The following B3GAT2 variants were observed in gnomAD, a reference collection of about 807,000 sequenced individuals.
The protein encoded by B3GAT2 is beta-1,3-glucuronyltransferase 2.
In B3GAT2, 26 loss-of-function variants were observed where a neutral mutation model predicts 27.8. That is an observed-to-expected ratio of 0.93 (90% CI 0.68 to 1.30). The LOEUF is 1.30. Ranked by LOEUF, B3GAT2 falls within the 50% of genes most tolerant of loss-of-function variation. B3GAT2 has a pLI of 0.00. For synonymous variants in B3GAT2, 218 were observed against 195.1 expected (o/e 1.12, Z -0.98); for missense variants, 458 against 459.0 (o/e 1.00, Z 0.02).
At chr6:70,880,573 G>C (rs539809202) in intron 2 of B3GAT2, among the ~76,000 whole-genome samples, 1 of 150,070 alleles carries the variant, frequency 6.7e-6, no homozygotes. Flanking sequence ...CTATAGCCTC[G>C]AATCCCCTGG....
chr6:70,860,378 C>A lies in B3GAT2; in HGVS notation c.*1285G>T. On this transcript the variant is annotated 3_prime_UTR_variant, in exon 4 of 4. Transcript: ENST00000230053. ...CATCCAGAACTACCACCTGACATTC[C>A]TTGCTGAAACGCATCTAGTTCCCCT... 1 of 1,569,526 alleles carries A rather than the reference C, an allele frequency of 6.4e-7. No individual in the cohort carries two copies. The highest frequency in any genetic ancestry group is 1.2e-5 in the South Asian group (1 of 83,804).
At chr6:70,894,870 G>A (rs1169711893) in intron 1 of B3GAT2, among the ~76,000 whole-genome samples, 1 of 152,154 alleles carries the variant, frequency 6.6e-6, no homozygotes, top group Non-Finnish European at 1.5e-5. Context: ...AGAGACCGTT[G>A]GAATCGCTTG....
chr6:70,868,725 C>A (rs1326789291), intron 2 of B3GAT2, among the ~76,000 whole-genome samples: 1 of 152,138 alleles, frequency 6.6e-6, no homozygotes, highest in Admixed American at 6.5e-5. Context: ...TCTTTCCCCC[C>A]CCACGTTAAA....
At chr6:70,894,314 A>G (rs2150031666) in intron 1 of B3GAT2, 42 bp from the exon 2 acceptor site, 1 of 1,520,170 alleles carries the variant, frequency 6.6e-7, no homozygotes, top group East Asian at 2.3e-5. Context: ...TTTCCTTAGG[A>G]AAAAGAGGGA....
At position 70,860,099 on chromosome 6, in the gene B3GAT2, A is replaced by G. The variant is rs1025249728; in HGVS notation, c.*1564T>C. The G allele has an allele frequency of 3.8e-6, 5 of 1,322,286 alleles. No individual in the cohort carries two copies. The highest frequency in any genetic ancestry group is 5.1e-6 in the Non-Finnish European group (5 of 975,086). The allele number at this position is 1,322,286 out of a possible 1,614,324, so 81.9% of individuals were successfully genotyped here. On this transcript the variant is annotated 3_prime_UTR_variant, in exon 4 of 4. Coordinates refer to ENST00000230053, the MANE Select transcript of B3GAT2 (RefSeq NM_080742.3). ...CTGTTTTTATTCCAGTGCTTGGACTAGTTGTCACATTAATGAAAAAATGAC... is the reference window on the plus strand; with the variant it reads ...CTGTTTTTATTCCAGTGCTTGGACTGGTTGTCACATTAATGAAAAAATGAC...
chr6:70,906,979 A>C (rs1410631737), intron 1 of B3GAT2, among the ~76,000 whole-genome samples: 1 of 152,220 alleles, frequency 6.6e-6, no homozygotes, highest in African/African-American at 2.4e-5. Context: ...GCATCAACTT[A>C]CTGAGAATGG....
intron 1 of B3GAT2, among the ~76,000 whole-genome samples, chr6:70,946,570 G>A (rs1765487006): frequency 6.6e-6 from 1 of 152,136 alleles, no homozygotes; most frequent in Non-Finnish European, 1.5e-5. Flanking sequence ...GGAGCACCCA[G>A]ATTCATAAAG....
At position 70,857,076 on chromosome 6, in the gene B3GAT2, A is replaced by G. The variant is rs763929124; in HGVS notation, c.*4587T>C. The G allele has an allele frequency of 6.7e-7, 1 of 1,500,284 alleles. No homozygotes were observed. Among genetic ancestry groups the G allele is most frequent in the Non-Finnish European group, 9.0e-7 (1 of 1,113,862 alleles). 92.9% of individuals were successfully genotyped at this position (1,500,284 alleles called of 1,614,324 possible). A position where few individuals can be genotyped will look rare whatever the true frequency, so the allele number is the denominator to read the frequency against. Reference sequence around the variant, plus strand: ...CTTTCAGTGACATTACTAGAAGTACATCCTTTGTAATTATATAATAAGATC... The same window carrying G: ...CTTTCAGTGACATTACTAGAAGTACGTCCTTTGTAATTATATAATAAGATC... On this transcript the variant is annotated 3_prime_UTR_variant, in exon 4 of 4. Coordinates refer to ENST00000230053, the MANE Select transcript of B3GAT2 (RefSeq NM_080742.3).
intron 1 of B3GAT2, among the ~76,000 whole-genome samples, chr6:70,911,134 G>T (rs1378829459): frequency 1.3e-5 from 2 of 152,032 alleles, no homozygotes; most frequent in African/African-American, 4.8e-5. Flanking sequence ...TTACTCTCTT[G>T]ATAGTTTCTT....
chr6:70,909,082 T>C (rs1387410267), intron 1 of B3GAT2, among the ~76,000 whole-genome samples: 1 of 152,118 alleles, frequency 6.6e-6, no homozygotes, highest in East Asian at 1.9e-4. Flanking sequence ...AGTAAAGATG[T>C]AGGTGGATCT....
At position 70,860,181 on chromosome 6, in the gene B3GAT2, C is replaced by G. The variant is rs1290403387; in HGVS notation, c.*1482G>C. ...AGTGAAGTAAGCCTCTTGAACTAAG[C>G]CTTTTATATGTTTCACAGATGAATC... On this transcript the variant is annotated 3_prime_UTR_variant, in exon 4 of 4. Coordinates refer to ENST00000230053, the MANE Select transcript of B3GAT2 (RefSeq NM_080742.3). 1 of 1,592,116 alleles carries G rather than the reference C, an allele frequency of 6.3e-7. No homozygotes were observed. Among genetic ancestry groups the G allele is most frequent in the Non-Finnish European group, 8.5e-7 (1 of 1,170,782 alleles).
At chr6:70,940,931 T>C (rs1172274635) in intron 1 of B3GAT2, among the ~76,000 whole-genome samples, 1 of 152,126 alleles carries the variant, frequency 6.6e-6, no homozygotes, top group Admixed American at 6.5e-5. Flanking sequence ...CTTTCACCGT[T>C]AGGAGTTAGC....
intron 1 of B3GAT2, among the ~76,000 whole-genome samples, chr6:70,937,726 T>C (rs1355083213): frequency 2.6e-5 from 4 of 151,996 alleles, no homozygotes; most frequent in Non-Finnish European, 4.4e-5. Context: ...AAACTCTCAA[T>C]AAATTAGGTA....
chr6:70,932,866 A>G (rs951944947), intron 1 of B3GAT2, among the ~76,000 whole-genome samples: 2 of 152,096 alleles, frequency 1.3e-5, no homozygotes, highest in African/African-American at 4.8e-5. Flanking sequence ...TAGTGGTGCA[A>G]TCATAGAGCA....
In B3GAT2 at chr6:70,863,668, ATGTT is replaced by A. The variant is rs142682906; in HGVS notation, c.737-1694_737-1691del. ...GAGAGAAGTGTAACACTTCAACTCA[ATGTT>A]TGATGAAAAATTGAGGTATGGAAAG... is the stretch of plus-strand genomic sequence containing the variant. On this transcript the variant is annotated intron_variant, in intron 2 of 3. Coordinates refer to ENST00000230053, the MANE Select transcript of B3GAT2 (RefSeq NM_080742.3). Among the ~76,000 whole-genome samples the A allele has an allele frequency of 8.3e-3, 1,266 of 152,296 alleles. 18 individuals carry two copies. Among genetic ancestry groups the A allele is most frequent in the African/African-American group, 0.029 (1,205 of 41,552 alleles).
chr6:70,944,292 G>A (rs938534693), intron 1 of B3GAT2, among the ~76,000 whole-genome samples: 18 of 152,280 alleles, frequency 1.2e-4, no homozygotes, highest in African/African-American at 2.4e-4. Flanking sequence ...CTCGGGAAGC[G>A]CAAGGGGTCA....
chr6:70,933,752 A>C (rs1377614967), intron 1 of B3GAT2, among the ~76,000 whole-genome samples: 1 of 152,194 alleles, frequency 6.6e-6, no homozygotes, highest in Non-Finnish European at 1.5e-5. Flanking sequence ...GGCCGCTATG[A>C]CTGTCAGGAT....
intron 1 of B3GAT2, among the ~76,000 whole-genome samples, chr6:70,919,592 T>A (rs940375368): frequency 3.9e-5 from 6 of 152,202 alleles, no homozygotes; most frequent in Non-Finnish European, 7.3e-5. Flanking sequence ...TTCGTGTGGA[T>A]GTCCTTTTTG....
chr6:70,899,693 G>C (rs1250318795), intron 1 of B3GAT2, among the ~76,000 whole-genome samples: 1 of 152,136 alleles, frequency 6.6e-6, no homozygotes, highest in Admixed American at 6.5e-5. Context: ...ACTATATAGA[G>C]TGTGCCAGAC....
Sources: allele counts gnomAD v4.1 joint callset (sites outside exome capture counted in the v4.1 genomes callset), GRCh38; gene constraint gnomAD v4.1.1; transcripts MANE v1.5; gene names NCBI Gene and HGNC (gene_info 2026-07-23, HGNC 2026-07-21).